The following PTPRM variants were observed in gnomAD, a reference collection of about 807,000 sequenced individuals.
PTPRM encodes receptor-type tyrosine-protein phosphatase mu.
In PTPRM, 47 loss-of-function variants were observed where a neutral mutation model predicts 186.7. The ratio of observed to expected loss-of-function variants is 0.25; its 90% confidence interval spans 0.20 to 0.32. The LOEUF is 0.32. Ranked by LOEUF, PTPRM falls within the 10% of genes least tolerant of loss-of-function variation. The probability of loss-of-function intolerance (pLI) is 1.00; values close to 1 mark genes in which losing one functional copy is unlikely to be tolerated. For missense variants in PTPRM, 1,494 were observed against 1,865.0 expected, an observed-to-expected ratio of 0.80 and a Z score of 3.66; for synonymous variants, 668 against 674.9, an observed-to-expected ratio of 0.99 and a Z score of 0.16.
At chr18:8,155,908 T>C (rs1358699472) in intron 14 of PTPRM, among the ~76,000 whole-genome samples, 1 of 152,226 alleles carries the variant, frequency 6.6e-6, no homozygotes, top group Non-Finnish European at 1.5e-5. Context: ...ACTGAGAAAG[T>C]CACACATAGA....
Position 7,620,743 on chromosome 18 carries a change from A to T in PTPRM, c.73+52852A>T, listed in dbSNP as rs560051167. The stretch of plus-strand genomic sequence containing the variant: ...GACATGATATCACTGAAGCAGCTCC[A>T]AGAAGTCTCTCATTCCAAGATGTAC... On this transcript the variant is annotated intron_variant, in intron 1 of 32. Coordinates refer to ENST00000580170, the MANE Select transcript of PTPRM (RefSeq NM_001105244.2). Among the ~76,000 whole-genome samples, 49 of 152,266 alleles carry T rather than the reference A, an allele frequency of 3.2e-4. 2 individuals carry two copies. Among genetic ancestry groups the T allele is most frequent in the East Asian group, 1.2e-3 (6 of 5,174 alleles).
intron 19 of PTPRM, among the ~76,000 whole-genome samples, chr18:8,278,582 T>G (rs2094864668): frequency 2.6e-5 from 4 of 152,184 alleles, no homozygotes; most frequent in Non-Finnish European, 5.9e-5. Context: ...CCTGATCACA[T>G]TATACATTTC....
At chr18:7,624,966 A>T (rs2038025500) in intron 1 of PTPRM, among the ~76,000 whole-genome samples, 1 of 152,178 alleles carries the variant, frequency 6.6e-6, no homozygotes, top group African/African-American at 2.4e-5. Flanking sequence ...GCTGCTGAGT[A>T]ACCAGGCACA....
At chr18:8,151,846 A>G (rs1198844910) in intron 14 of PTPRM, among the ~76,000 whole-genome samples, 5 of 152,074 alleles carry the variant, frequency 3.3e-5, no homozygotes, top group Non-Finnish European at 5.9e-5. Flanking sequence ...AAAGCGCAGT[A>G]TCTGAGCTGG....
intron 14 of PTPRM, among the ~76,000 whole-genome samples, chr18:8,224,715 C>T (rs1246649195): frequency 6.6e-6 from 1 of 152,164 alleles, no homozygotes; most frequent in Non-Finnish European, 1.5e-5. Context: ...TAATATGGTT[C>T]ATCCCTACCT....
At chr18:7,980,970 C>T (rs955035718) in intron 7 of PTPRM, among the ~76,000 whole-genome samples, 3 of 152,250 alleles carry the variant, frequency 2.0e-5, no homozygotes, top group Admixed American at 6.5e-5. Flanking sequence ...GAGTGGTTGG[C>T]GCACATTCCC....
chr18:8,073,278 TAAAAAG>T (rs1343439052), intron 8 of PTPRM, among the ~76,000 whole-genome samples: 3 of 152,198 alleles, frequency 2.0e-5, no homozygotes, highest in African/African-American at 7.2e-5. Context: ...TGCTTTCACT[TAAAAAG>T]AAAAAGAAAT....
At chr18:8,175,943 C>T (rs560873924) in intron 14 of PTPRM, among the ~76,000 whole-genome samples, 10 of 152,248 alleles carry the variant, frequency 6.6e-5, no homozygotes, top group South Asian at 2.1e-4. Flanking sequence ...ATTCCTTAGA[C>T]GCTGAAGCCT....
At chr18:8,240,777 GGAGAGAGAGAGAGA>G (rs747648655) in intron 14 of PTPRM, among the ~76,000 whole-genome samples, 3 of 57,298 alleles carry the variant, frequency 5.2e-5, no homozygotes, top group African/African-American at 1.5e-4. Context: ...AGAGAGAGAG[GGAGAGAGAGAGAGA>G]GAGAGAGAGA....
intron 7 of PTPRM, among the ~76,000 whole-genome samples, chr18:7,984,922 CAT>C (rs573004559): frequency 5.1e-5 from 5 of 97,280 alleles, no homozygotes; most frequent in African/African-American, 1.6e-4. Context: ...ATTATATATA[CAT>C]ATATAAATAT....
chr18:8,118,850 C>G (rs1422714317), intron 13 of PTPRM, among the ~76,000 whole-genome samples: 6 of 139,200 alleles, frequency 4.3e-5, no homozygotes, highest in African/African-American at 1.3e-4. Context: ...TATACATGGG[C>G]TTTTTTTTTT....
chr18:8,233,266 C>A (rs1187453478), intron 14 of PTPRM, among the ~76,000 whole-genome samples: 1 of 152,188 alleles, frequency 6.6e-6, no homozygotes, highest in African/African-American at 2.4e-5. Context: ...GTGGCTATGT[C>A]CTTTTGCATT....
At chr18:8,395,460 T>C (rs565865855) in intron 32 of PTPRM, among the ~76,000 whole-genome samples, 7 of 152,288 alleles carry the variant, frequency 4.6e-5, no homozygotes, top group African/African-American at 1.7e-4. Context: ...CCTCATGCAG[T>C]TTAAGAAGTC....
At chr18:8,122,976 T>C (rs1395418681) in intron 13 of PTPRM, among the ~76,000 whole-genome samples, 1 of 152,230 alleles carries the variant, frequency 6.6e-6, no homozygotes, top group African/African-American at 2.4e-5. Flanking sequence ...AAAAATTGAA[T>C]GGCTTAGAGT....
intron 7 of PTPRM, among the ~76,000 whole-genome samples, chr18:8,017,248 A>G (rs1220818008): frequency 6.6e-6 from 1 of 152,106 alleles, no homozygotes; most frequent in Admixed American, 6.6e-5. Context: ...GTATAGTATA[A>G]AAATATTAGG....
At chr18:8,227,549 A>G (rs901305958) in intron 14 of PTPRM, among the ~76,000 whole-genome samples, 1 of 152,174 alleles carries the variant, frequency 6.6e-6, no homozygotes, top group Non-Finnish European at 1.5e-5. Flanking sequence ...AGAATATGCA[A>G]TTTTATCAGG....
chr18:8,270,454 T>C (rs1237885882), intron 19 of PTPRM: 7 of 152,072 alleles, frequency 4.6e-5, no homozygotes, highest in Admixed American at 4.6e-4. Context: ...CTCTTCTGCA[T>C]TGTTGGTGAG....
intron 28 of PTPRM, among the ~76,000 whole-genome samples, chr18:8,379,914 TCA>T (rs1432063041): frequency 6.6e-6 from 1 of 152,220 alleles, no homozygotes; most frequent in Non-Finnish European, 1.5e-5. Flanking sequence ...AAGAACACTG[TCA>T]CACATACAAA....
At chr18:8,125,976 CATATATATATATATATATATATATAT>C (rs1178603481) in intron 13 of PTPRM, among the ~76,000 whole-genome samples, 11,687 of 59,950 alleles carry the variant, frequency 0.19, 1,665 homozygotes, top group Non-Finnish European at 0.27. Context: ...TGTGTGTATA[CATATATATATATATATATATATATAT>C]ATATATATAT....
Sources: allele counts gnomAD v4.1 joint callset (sites outside exome capture counted in the v4.1 genomes callset), GRCh38; gene constraint gnomAD v4.1.1; transcripts MANE v1.5; gene names NCBI Gene and HGNC (gene_info 2026-07-23, HGNC 2026-07-21).